Variants in PRPSAP1 observed in about 807,000 individuals in gnomAD.
PRPSAP1 encodes phosphoribosyl pyrophosphate synthetase associated protein 1, also known as phosphoribosyl pyrophosphate synthase-associated protein 1.
In PRPSAP1, 31 loss-of-function variants were observed where a neutral mutation model predicts 39.4. That is an observed-to-expected ratio of 0.79 (90% confidence interval 0.59 to 1.06). The LOEUF (loss-of-function observed/expected upper bound fraction) is 1.06, where lower values mean the gene tolerates loss of function less well. Among genes scored for constraint, PRPSAP1 ranks in the 50% least tolerant of loss-of-function variants. The pLI, the probability that PRPSAP1 is intolerant of heterozygous loss-of-function variation, is 0.00. For synonymous variants in PRPSAP1, 212 were observed against 192.6 expected, an observed-to-expected ratio of 1.10 and a Z score of -0.83; for missense variants, 430 against 511.6, an observed-to-expected ratio of 0.84 and a Z score of 1.54.
intron 7 of PRPSAP1, 95 bp downstream of exon 7, chr17:76,328,622 A>C (rs1163669387): frequency 2.0e-6 from 3 of 1,483,374 alleles, no homozygotes; most frequent in African/African-American, 1.4e-5. Flanking sequence ...AACAAAACAA[A>C]ACAAAACAAA....
At chr17:76,334,353 C>T (rs1024978085) in intron 3 of PRPSAP1, among the ~76,000 whole-genome samples, 1 of 152,208 alleles carries the variant, frequency 6.6e-6, no homozygotes, top group African/African-American at 2.4e-5. Flanking sequence ...GCCATACACA[C>T]AGCAGAGTTA....
In PRPSAP1 at chr17:76,353,211, C is replaced by T. The variant is rs574711166; in HGVS notation, c.170+323G>A. 5 of 297,110 alleles carry T rather than the reference C, an allele frequency of 1.7e-5. No individual in the cohort carries two copies. In the East Asian group the frequency reaches 2.7e-4, roughly 16 times the overall value. The allele number at this position is 297,110 out of a possible 1,614,324, so 18.4% of individuals were successfully genotyped here. On this transcript the variant is annotated intron_variant, in intron 1 of 9. Transcript: ENST00000446526. The stretch of plus-strand genomic sequence containing the variant: ...AGGAAGCCAAGCCCTGAGCCCCTTT[C>T]CCCAAGACACGCACTCCGGGGCTCC...
intron 7 of PRPSAP1, among the ~76,000 whole-genome samples, chr17:76,324,626 G>C (rs1281372393): frequency 6.6e-6 from 1 of 151,474 alleles, no homozygotes; most frequent in Non-Finnish European, 1.5e-5. Context: ...CTATAAAACA[G>C]CATTACATGC....
At chr17:76,350,375 C>G (rs1044961721) in intron 1 of PRPSAP1, among the ~76,000 whole-genome samples, 1 of 149,938 alleles carries the variant, frequency 6.7e-6, no homozygotes, top group African/African-American at 2.5e-5. Flanking sequence ...GGGGGCGGAG[C>G]TTACAGTGAG....
chr17:76,324,971 G>A (rs185056644), intron 7 of PRPSAP1, among the ~76,000 whole-genome samples: 30 of 151,618 alleles, frequency 2.0e-4, no homozygotes, highest in Non-Finnish European at 2.8e-4. Flanking sequence ...GGGAGGCTGC[G>A]GCAGGAGAAT....
At position 76,332,315 on chromosome 17, in the gene PRPSAP1, C is replaced by T. The variant is rs781655971; in HGVS notation, c.411G>A (p.Arg137=). The change falls in exon 4 of 10, where the codon AGG becomes AGA. Residue 137 remains arginine (R), a synonymous_variant. Coordinates refer to ENST00000446526, the MANE Select transcript of PRPSAP1 (RefSeq NM_002766.3). ...YFPYSKQSKM[R]KRGSIVCKLL... ...GCTTGCACACAATGGAACCCCTCTT[C>T]CTCATCTTGCTCTGCTTGCTGTAGG... is the stretch of plus-strand genomic sequence containing the variant. 22 of 1,614,088 alleles carry T rather than the reference C, an allele frequency of 1.4e-5. No individual in the cohort carries two copies. In the South Asian group the frequency reaches 2.2e-4, roughly 16 times the overall value.
In PRPSAP1 at chr17:76,330,626, T is replaced by G; in HGVS notation, c.504A>C (p.Glu168Asp). ...CAGGAAAGCTGAAAAAGCCTTGTAT[T>G]TCCTTTTGATGAAGATCCATAGTGA... is the stretch of plus-strand genomic sequence containing the variant. ...HIITMDLHQK[E>D]IQGFFSFPVD... Residue 168 changes from glutamate to aspartate, a missense_variant, in exon 5 of 10, where the codon GAA (glutamate) becomes GAC (aspartate). By Grantham distance (45) the Glu-to-Asp change is conservative. Transcript: ENST00000446526. 3 of 1,613,144 alleles carry G rather than the reference T, an allele frequency of 1.9e-6. No individual in the cohort carries two copies. Among genetic ancestry groups the G allele is most frequent in the Non-Finnish European group, 2.5e-6 (3 of 1,179,402 alleles).
At chr17:76,336,597 T>C (rs1453119049) in intron 3 of PRPSAP1, among the ~76,000 whole-genome samples, 1 of 150,892 alleles carries the variant, frequency 6.6e-6, no homozygotes, top group Non-Finnish European at 1.5e-5. Flanking sequence ...CCAGGCATGG[T>C]GGTGCATGCC....
At chr17:76,348,256 T>TGAC (rs1239411663) in intron 2 of PRPSAP1, among the ~76,000 whole-genome samples, 1 of 152,050 alleles carries the variant, frequency 6.6e-6, no homozygotes, top group African/African-American at 2.4e-5. Context: ...TAGGGTCCCC[T>TGAC]GAGGTCAGGA....
intron 1 of PRPSAP1, among the ~76,000 whole-genome samples, chr17:76,352,532 C>T (rs2071586726): frequency 6.6e-6 from 1 of 150,574 alleles, no homozygotes; most frequent in African/African-American, 2.4e-5. Flanking sequence ...GTAGTCCCAG[C>T]TACTTGGGAG....
chr17:76,352,773 G>A (rs1455409545), intron 1 of PRPSAP1, among the ~76,000 whole-genome samples: 1 of 151,476 alleles, frequency 6.6e-6, no homozygotes, highest in Non-Finnish European at 1.5e-5. Flanking sequence ...ACATTATCCC[G>A]ATCATACAAT....
chr17:76,339,080 A>C (rs1316142626), intron 3 of PRPSAP1, among the ~76,000 whole-genome samples: 3 of 152,050 alleles, frequency 2.0e-5, no homozygotes, highest in Admixed American at 6.6e-5. Context: ...TTTAGTTGGT[A>C]CTAAAGTATC....
intron 7 of PRPSAP1, among the ~76,000 whole-genome samples, chr17:76,326,921 C>G (rs1598525124): frequency 6.6e-6 from 1 of 151,250 alleles, no homozygotes; most frequent in East Asian, 1.9e-4. Context: ...AACTCACCCT[C>G]AAATGGTGGA....
At chr17:76,330,479 A>G in intron 5 of PRPSAP1, 72 bp downstream of exon 5, 1 of 1,205,286 alleles carries the variant, frequency 8.3e-7, no homozygotes, top group Non-Finnish European at 1.2e-6. Context: ...CCAGTAACGA[A>G]ATCTGATACC....
intron 7 of PRPSAP1, among the ~76,000 whole-genome samples, chr17:76,325,729 C>G (rs890084132): frequency 1.1e-4 from 16 of 151,618 alleles, no homozygotes; most frequent in Non-Finnish European, 2.1e-4. Flanking sequence ...CCTCAGCCAC[C>G]CGGTAGCTGG....
At chr17:76,329,032 G>C (rs1360723543) in intron 6 of PRPSAP1, 170 bp from the exon 7 acceptor site, 1 of 761,374 alleles carries the variant, frequency 1.3e-6, no homozygotes, top group Non-Finnish European at 2.0e-6. Flanking sequence ...ATGACTCAAA[G>C]GGCACGTGAG....
intron 2 of PRPSAP1, among the ~76,000 whole-genome samples, chr17:76,348,155 T>C (rs903101643): frequency 2.2e-5 from 3 of 134,916 alleles, no homozygotes; most frequent in Admixed American, 1.4e-4. Flanking sequence ...GACCCCATCT[T>C]AATAAAAATA....
At chr17:76,318,559 C>G (rs540522971) in intron 7 of PRPSAP1, among the ~76,000 whole-genome samples, 30 of 152,326 alleles carry the variant, frequency 2.0e-4, no homozygotes, top group Non-Finnish European at 3.7e-4. Context: ...TCTTAATCTT[C>G]TTTACCAACC....
rs562129968 is a variant in PRPSAP1, at chr17:76,350,781, G to T, written c.171-2200C>A. ...GGCACAGTGGCTCATGCCTGTAAAG[G>T]CGGCACTTCGGGAGGCCAAGGTAGG... On this transcript the variant is annotated intron_variant, in intron 1 of 9. Coordinates refer to ENST00000446526, the MANE Select transcript of PRPSAP1 (RefSeq NM_002766.3). Among the ~76,000 whole-genome samples, 33 of 152,292 alleles carry T rather than the reference G, an allele frequency of 2.2e-4. 1 individual carries two copies. In the South Asian group the frequency reaches 6.8e-3, roughly 32 times the overall value.
Sources: gnomAD v4.1 joint callset for allele counts (sites outside exome capture counted in the v4.1 genomes callset) on GRCh38, gnomAD v4.1.1 for gene constraint, MANE v1.5 for transcripts, NCBI Gene and HGNC (gene_info 2026-07-23, HGNC 2026-07-21) for gene names.